Variants in HSPD1 observed in about 807,000 individuals in gnomAD.
HSPD1 encodes the protein heat shock protein family D (Hsp60) member 1.
Under a neutral mutation model 53.0 loss-of-function variants are expected in HSPD1, and 3 were observed. The observed-to-expected ratio is 0.06, with a 90% CI of 0.03 to 0.15. The LOEUF is 0.15. Among genes scored for constraint, HSPD1 ranks in the 10% least tolerant of loss-of-function variants. The pLI is 1.00. For synonymous variants in HSPD1, 200 were observed against 228.0 expected (o/e 0.88, Z 1.10); for missense variants, 431 against 694.1 (o/e 0.62, Z 4.26).
chr2:197,495,295 T>G lies in HSPD1; in HGVS notation c.509A>C (p.Gln170Pro). ...ACGTGTAACATGTTAAGTCCTTACCTGTGCAATTTCTTCAGGGGTGGTCAC... is the reference window on the plus strand; with the variant it reads ...ACGTGTAACATGTTAAGTCCTTACCGGTGCAATTTCTTCAGGGGTGGTCAC... Reference protein sequence around the residue: ...KPVTTPEEIAQVATISANGDK... With the variant: ...KPVTTPEEIAPVATISANGDK... The change falls in exon 4 of 12, where the codon CAG (glutamine) becomes CCG (proline). Residue 170 changes from glutamine (Q) to proline (P), a missense_variant and splice_region_variant. By Grantham distance (76) the Gln-to-Pro change is moderately conservative. Transcript: ENST00000388968. The G allele has an allele frequency of 6.3e-7, 1 of 1,588,486 alleles. No homozygotes were observed. Among genetic ancestry groups the G allele is most frequent in the Non-Finnish European group, 8.6e-7 (1 of 1,156,824 alleles).
At chr2:197,487,711 T>G in intron 11 of HSPD1, 147 bp downstream of exon 11, 6 of 689,998 alleles carry the variant, frequency 8.7e-6, no homozygotes, top group East Asian at 2.7e-5. Context: ...GAAATGTACA[T>G]GAGAATTGTT....
At chr2:197,499,194 C>T (rs1367229810) in intron 1 of HSPD1, 1 of 392,984 alleles carries the variant, frequency 2.5e-6, no homozygotes, top group Non-Finnish European at 4.7e-6. Context: ...CCTGAGAAAC[C>T]AAGTCAGCCG....
At chr2:197,494,027 G>A (rs745729067) in intron 6 of HSPD1, 130 bp downstream of exon 6, 16 of 595,000 alleles carry the variant, frequency 2.7e-5, no homozygotes, top group African/African-American at 7.5e-5. Context: ...ACTTGAACCC[G>A]GAAGGCGGAG....
intron 5 of HSPD1, 52 bp downstream of exon 5, chr2:197,494,604 CT>C: frequency 1.2e-6 from 1 of 838,686 alleles, no homozygotes; most frequent in South Asian, 1.5e-5. Context: ...ATAACTCAAA[CT>C]TTTGATCATA....
At chr2:197,493,909 C>T (rs2086124083) in intron 6 of HSPD1, among the ~76,000 whole-genome samples, 1 of 152,152 alleles carries the variant, frequency 6.6e-6, no homozygotes, top group Non-Finnish European at 1.5e-5. Context: ...AGAGACCAGC[C>T]TGGCCAACAT....
In HSPD1 at chr2:197,486,880, A is replaced by G. The variant is rs548560176; in HGVS notation, c.*166T>C. 110 of 615,694 alleles carry G rather than the reference A, an allele frequency of 1.8e-4. No individual in the cohort carries two copies. In the East Asian group the frequency reaches 2.9e-3, roughly 16 times the overall value. 38.1% of individuals were successfully genotyped at this position (615,694 alleles called of 1,614,324 possible). On this transcript the variant is annotated 3_prime_UTR_variant, in exon 12 of 12. Coordinates refer to ENST00000388968, the MANE Select transcript of HSPD1 (RefSeq NM_002156.5). ...GCATGGACAATGACAGCAGTAAACC[A>G]TTATATATTTTGTCAACTGAAACCA...
intron 4 of HSPD1, chr2:197,495,058 A>G (rs2086140964): frequency 5.0e-6 from 3 of 600,038 alleles, no homozygotes; most frequent in South Asian, 4.2e-5. Context: ...CATTTTCACA[A>G]TCATATGAAT....
rs748932852 is a variant in HSPD1 at position 197,487,839 on chromosome 2, A to G, written c.1569+19T>C. The stretch of plus-strand genomic sequence containing the variant: ...AAATGAACAACAAAAGAATTTTTAG[A>G]AAGTGTTCAACCATTTACCTTTGTT... On this transcript the variant is annotated intron_variant, in intron 11 of 11. Coordinates refer to ENST00000388968, the MANE Select transcript of HSPD1 (RefSeq NM_002156.5). 16 of 1,602,124 alleles carry G rather than the reference A, an allele frequency of 1.0e-5. No homozygotes were observed. The East Asian group carries it at 2.7e-4, about 27-fold the overall frequency.
In HSPD1 at chr2:197,497,162, A is replaced by G. The variant is rs747451497; in HGVS notation, c.405T>C (p.Ala135=). 2.5e-6 allele frequency: 4 copies of G among 1,614,174 alleles called. No homozygotes were observed. In the South Asian group the frequency reaches 4.4e-5, roughly 18 times the overall value. Residue 135 remains alanine (A), a synonymous_variant, in exon 3 of 12, where the codon GCT becomes GCC. Transcript: ENST00000388968. ...KEGFEKISKG[A]NPVEIRRGVM... The stretch of plus-strand genomic sequence containing the variant: ...TACCTCTCCTGATTTCCACTGGATT[A>G]GCACCTTTGCTAATCTTCTCGAAGC...
Sources: allele counts gnomAD v4.1 joint callset (sites outside exome capture counted in the v4.1 genomes callset), GRCh38; gene constraint gnomAD v4.1.1; transcripts MANE v1.5; gene names NCBI Gene and HGNC (gene_info 2026-07-23, HGNC 2026-07-21).